TTC7B: variants seen among roughly 807,000 people sequenced by gnomAD.
TTC7B encodes the protein tetratricopeptide repeat domain 7B, also known as tetratricopeptide repeat protein 7B.
TTC7B carries 28 observed loss-of-function variants against 106.8 expected under a neutral mutation model. That is an observed-to-expected ratio of 0.26 (90% CI 0.19 to 0.36). The LOEUF is 0.36. TTC7B is among the 10% of genes least tolerant of loss of function. The probability of loss-of-function intolerance (pLI) is 1.00; values close to 1 mark genes in which losing one functional copy is unlikely to be tolerated. For synonymous variants in TTC7B, 405 were observed against 430.6 expected, an observed-to-expected ratio of 0.94 and a Z score of 0.74; for missense variants, 862 against 1,076.4, an observed-to-expected ratio of 0.80 and a Z score of 2.79.
At chr14:90,688,137 T>G (rs948021416) in intron 7 of TTC7B, among the ~76,000 whole-genome samples, 2 of 152,260 alleles carry the variant, frequency 1.3e-5, no homozygotes, top group Admixed American at 6.5e-5. Context: ...TATTTATTCA[T>G]GTGTGTTCCC....
At position 90,641,934 on chromosome 14, in the gene TTC7B, C is replaced by CGTGTGTGT. The variant is rs145476335; in HGVS notation, c.1751+2106_1751+2113dup. Among the ~76,000 whole-genome samples, 126 of 147,100 alleles carry CGTGTGTGT rather than the reference C, an allele frequency of 8.6e-4. 2 individuals carry two copies. Among genetic ancestry groups the CGTGTGTGT allele is most frequent in the African/African-American group, 1.8e-3 (70 of 39,312 alleles). ...TAATGAAAGAGCTTGTGTGTGTGTG[C>CGTGTGTGT]GTGTGTGTGTGTGTGTGTGTGTGTG... On this transcript the variant is annotated intron_variant, in intron 15 of 19. Transcript: ENST00000328459.
At chr14:90,810,530 G>A (rs1566900307) in intron 1 of TTC7B, among the ~76,000 whole-genome samples, 1 of 152,198 alleles carries the variant, frequency 6.6e-6, no homozygotes, top group East Asian at 1.9e-4. Context: ...TCTATAAGAG[G>A]TTGGACTACA....
At chr14:90,745,836 C>G (rs1284963952) in intron 3 of TTC7B, among the ~76,000 whole-genome samples, 1 of 151,776 alleles carries the variant, frequency 6.6e-6, no homozygotes, top group East Asian at 1.9e-4. Flanking sequence ...TCCCAGGTAG[C>G]TGGGACTACG....
At chr14:90,648,463 C>T (rs1885568921) in intron 13 of TTC7B, 1 of 152,480 alleles carries the variant, frequency 6.6e-6, no homozygotes, top group Admixed American at 6.5e-5. Context: ...GCGATCCTCC[C>T]ATCTTAGCCT....
chr14:90,657,272 G>T lies in TTC7B; in HGVS notation c.1243C>A (p.Arg415Ser). The change falls in exon 11 of 20, where the codon CGT becomes AGT. Residue 415 changes from arginine (R) to serine (S), a missense_variant. Coordinates refer to ENST00000328459, the MANE Select transcript of TTC7B (RefSeq NM_001010854.2). This position sits in a 1 kb window ranked among gnomAD's most constrained non-coding sequence, Gnocchi z 4.2. The part of the protein sequence containing the change: ...LSLMAAGKSA[R>S]AVKVLKECIR... Reference sequence around the variant, plus strand: ...CACTCTTTCAGCACCTTCACGGCACGGGCAGACTTGGCAAGAGAAGATTAT... The same window carrying T: ...CACTCTTTCAGCACCTTCACGGCACTGGCAGACTTGGCAAGAGAAGATTAT... The T allele has an allele frequency of 6.2e-7, 1 of 1,613,582 alleles. No individual in the cohort carries two copies.
intron 1 of TTC7B, among the ~76,000 whole-genome samples, chr14:90,803,760 A>T (rs2030420044): frequency 6.6e-6 from 1 of 152,076 alleles, no homozygotes; most frequent in Non-Finnish European, 1.5e-5. Flanking sequence ...AAAGTGTGGG[A>T]AGAGAAGACA....
chr14:90,809,975 C>T (rs2030811065), intron 1 of TTC7B, among the ~76,000 whole-genome samples: 1 of 152,210 alleles, frequency 6.6e-6, no homozygotes, highest in South Asian at 2.1e-4. Context: ...GTTTTTTCTT[C>T]ATTTGATCCT....
chr14:90,728,073 G>C (rs1889178773), intron 5 of TTC7B, among the ~76,000 whole-genome samples: 1 of 152,068 alleles, frequency 6.6e-6, no homozygotes, highest in East Asian at 1.9e-4. Flanking sequence ...TTCTCCTTGG[G>C]GTATATTCTG....
intron 7 of TTC7B, among the ~76,000 whole-genome samples, chr14:90,684,844 TG>T (rs2139933590): frequency 6.6e-6 from 1 of 152,300 alleles, no homozygotes; most frequent in South Asian, 2.1e-4. Context: ...TTCATACTTT[TG>T]ATTTATTTTT....
chr14:90,572,961 C>T (rs748068626), intron 19 of TTC7B, among the ~76,000 whole-genome samples: 19 of 152,038 alleles, frequency 1.2e-4, no homozygotes, highest in Non-Finnish European at 2.5e-4. Flanking sequence ...AGCCACCGCC[C>T]GTCTCTCCTC....
In TTC7B at chr14:90,531,643, A is replaced by AAAAAAG. The variant is rs1422419507; in HGVS notation, c.*9724_*9725insCTTTTT. On this transcript the variant is annotated 3_prime_UTR_variant, in exon 20 of 20. Transcript: ENST00000328459. The stretch of plus-strand genomic sequence containing the variant: ...TCAAAAAAAAAAAAAAAAAAAAAAA[A>AAAAAAG]GCCGTGGGTGAACTGGCTTCATTTC... 1.4e-5 allele frequency: 2 copies of AAAAAAG among 145,326 alleles called. No homozygotes were observed. Among genetic ancestry groups the AAAAAAG allele is most frequent in the Non-Finnish European group, 3.0e-5 (2 of 66,296 alleles). 9.0% of individuals were successfully genotyped at this position (145,326 alleles called of 1,614,324 possible).
intron 3 of TTC7B, chr14:90,766,523 C>T: frequency 1.3e-6 from 1 of 744,532 alleles, no homozygotes; most frequent in Non-Finnish European, 2.5e-6. Flanking sequence ...ACCTCTTGTA[C>T]TGCCGCCATG....
intron 17 of TTC7B, among the ~76,000 whole-genome samples, chr14:90,605,151 C>T (rs899290415): frequency 3.9e-5 from 6 of 152,162 alleles, no homozygotes; most frequent in Non-Finnish European, 8.8e-5. Flanking sequence ...AGTTTGAGAA[C>T]CACATGCTGA....
At chr14:90,580,902 G>A (rs1566781674) in intron 18 of TTC7B, among the ~76,000 whole-genome samples, 2 of 152,214 alleles carry the variant, frequency 1.3e-5, no homozygotes, top group Non-Finnish European at 2.9e-5. Flanking sequence ...CTGGGGGCGG[G>A]GAAATGGCTG....
At position 90,759,125 on chromosome 14, in the gene TTC7B, C is replaced by T. The variant is rs1040294902; in HGVS notation, c.446-14203G>A. Among the ~76,000 whole-genome samples the T allele has an allele frequency of 5.3e-5, 8 of 151,708 alleles. No homozygotes were observed. Among genetic ancestry groups the T allele is most frequent in the Non-Finnish European group, 1.2e-4 (8 of 67,876 alleles). Reference sequence around the variant, plus strand: ...CAGCCAGGCCGGCCCCAGCTTCCTTCCTGCTCTTCTGTCCCACTCCGACCC... The same window carrying T: ...CAGCCAGGCCGGCCCCAGCTTCCTTTCTGCTCTTCTGTCCCACTCCGACCC... On this transcript the variant is annotated intron_variant, in intron 3 of 19. Coordinates refer to ENST00000328459, the MANE Select transcript of TTC7B (RefSeq NM_001010854.2). This position sits in a 1 kb window ranked among gnomAD's most constrained non-coding sequence, Gnocchi z 4.1.
intron 7 of TTC7B, among the ~76,000 whole-genome samples, chr14:90,683,905 C>T (rs1323857872): frequency 6.6e-6 from 1 of 152,180 alleles, no homozygotes; most frequent in African/African-American, 2.4e-5. Context: ...CATCCCTCTG[C>T]TTTCCATTTT....
chr14:90,588,221 CGCCAGGCCAG>C (rs912964544), intron 18 of TTC7B, among the ~76,000 whole-genome samples: 1 of 152,098 alleles, frequency 6.6e-6, no homozygotes, highest in Non-Finnish European at 1.5e-5. Flanking sequence ...TGGGCAAAGG[CGCCAGGCCAG>C]GCCAGGCCAG....
At chr14:90,656,457 G>A (rs942749) in intron 11 of TTC7B, among the ~76,000 whole-genome samples, 24,738 of 152,100 alleles carry the variant, frequency 0.16, 2,030 homozygotes, top group South Asian at 0.17. Flanking sequence ...ACAAATCAGG[G>A]TATTGCCAAA....
intron 7 of TTC7B, among the ~76,000 whole-genome samples, chr14:90,684,585 T>C (rs1845160783): frequency 6.6e-6 from 1 of 152,128 alleles, no homozygotes; most frequent in African/African-American, 2.4e-5. Context: ...TATGGGTGAA[T>C]AGTTCAAATA....
Sources: gnomAD v4.1 joint callset for allele counts (sites outside exome capture counted in the v4.1 genomes callset) on GRCh38, gnomAD v4.1.1 for gene constraint, Gnocchi (gnomAD v3.1) non-coding constraint, MANE v1.5 for transcripts, NCBI Gene and HGNC (gene_info 2026-07-23, HGNC 2026-07-21) for gene names.